Variants in CTNNA2 observed in about 807,000 individuals in gnomAD.
CTNNA2 encodes the protein catenin alpha 2, also known as catenin alpha-2.
CTNNA2 carries 42 observed loss-of-function variants against 101.0 expected under a neutral mutation model. The observed-to-expected ratio is 0.42, with a 90% confidence interval of 0.32 to 0.54. The LOEUF is 0.54. Ranked by LOEUF, CTNNA2 falls within the 20% of genes least tolerant of loss-of-function variation. The probability of loss-of-function intolerance (pLI) is 0.14; values close to 1 mark genes in which losing one functional copy is unlikely to be tolerated. For synonymous variants in CTNNA2, 450 were observed against 456.4 expected (o/e 0.99, Z 0.18); for missense variants, 871 against 1,223.1 (o/e 0.71, Z 4.29).
intron 7 of CTNNA2, among the ~76,000 whole-genome samples, chr2:80,351,955 G>A (rs892064146): frequency 2.6e-5 from 4 of 152,048 alleles, no homozygotes; most frequent in Admixed American, 2.6e-4. Flanking sequence ...GACAACTACT[G>A]ACCATTTCCA....
At chr2:79,718,220 C>A (rs1686236685) in intron 2 of CTNNA2, among the ~76,000 whole-genome samples, 1 of 152,116 alleles carries the variant, frequency 6.6e-6, no homozygotes, top group Admixed American at 6.5e-5. Flanking sequence ...ATGAAGTTAA[C>A]AAGTACGTTT....
intron 7 of CTNNA2, among the ~76,000 whole-genome samples, chr2:80,068,842 CT>C (rs1324076461): frequency 1.3e-4 from 20 of 152,094 alleles, no homozygotes; most frequent in Non-Finnish European, 4.4e-5. Flanking sequence ...ATACCCCTGA[CT>C]AGTGGCAGAT....
chr2:79,445,587 T>A (rs919128447), intron 4 of CTNNA2, among the ~76,000 whole-genome samples: 6 of 152,154 alleles, frequency 3.9e-5, no homozygotes, highest in Admixed American at 3.9e-4. Flanking sequence ...TTCAAACATA[T>A]CACACTTCAG....
intron 4 of CTNNA2, among the ~76,000 whole-genome samples, chr2:79,859,671 G>C (rs190972538): frequency 7.0e-4 from 106 of 151,862 alleles, no homozygotes; most frequent in Non-Finnish European, 1.2e-3. Context: ...CAGGGAATGG[G>C]TTCTGAAAGG....
intron 1 of CTNNA2, among the ~76,000 whole-genome samples, chr2:79,563,156 G>A (rs1195711431): frequency 1.5e-5 from 1 of 64,610 alleles, no homozygotes; most frequent in Non-Finnish European, 2.9e-5. Flanking sequence ...TAATAATAAA[G>A]ATGTGTATAT....
intron 7 of CTNNA2, among the ~76,000 whole-genome samples, chr2:80,104,122 C>T (rs924350166): frequency 6.6e-6 from 1 of 152,190 alleles, no homozygotes; most frequent in Non-Finnish European, 1.5e-5. Context: ...TTGCCAATCT[C>T]TCAGGCATGT....
chr2:79,271,578 C>T (rs1470152195), intron 2 of CTNNA2, among the ~76,000 whole-genome samples: 3 of 151,974 alleles, frequency 2.0e-5, no homozygotes, highest in Non-Finnish European at 2.9e-5. Flanking sequence ...TCTTTTTGAT[C>T]TCTGGCTGTC....
In CTNNA2 at chr2:79,835,666, G is replaced by GTTT. The variant is rs70940048; in HGVS notation, c.299-22312_299-22310dup. 1.5e-4 allele frequency among the ~76,000 whole-genome samples: 9 copies of GTTT among 58,630 alleles called. 1 individual carries two copies. Among genetic ancestry groups the GTTT allele is most frequent in the African/African-American group, 5.1e-4 (7 of 13,692 alleles). 38.5% of individuals were successfully genotyped at this position (58,630 alleles called of 152,430 possible). On this transcript the variant is annotated intron_variant, in intron 3 of 18. Coordinates refer to ENST00000402739, the MANE Select transcript of CTNNA2 (RefSeq NM_001282597.3). ...CTGTGCTGCAGAATGGCCTCTCTTT[G>GTTT]TTTTTTTTTTTTTTTTTTTTTTTTT... is the stretch of plus-strand genomic sequence containing the variant.
intron 7 of CTNNA2, among the ~76,000 whole-genome samples, chr2:79,956,667 A>ATTTTC (rs1196336462): frequency 6.6e-6 from 1 of 152,316 alleles, no homozygotes; most frequent in East Asian, 1.9e-4. Flanking sequence ...GTATCTTGAA[A>ATTTTC]GTCTCAAGTC....
At chr2:79,218,353 T>TGTGTGTA (rs1305328019) in intron 2 of CTNNA2, among the ~76,000 whole-genome samples, 59 of 30,188 alleles carry the variant, frequency 2.0e-3, no homozygotes, top group Middle Eastern at 0.017. Flanking sequence ...GTGTGTGTAT[T>TGTGTGTA]TTTTTTTTTT....
chr2:79,610,163 A>C (rs189929332), intron 1 of CTNNA2, among the ~76,000 whole-genome samples: 1 of 152,126 alleles, frequency 6.6e-6, no homozygotes, highest in Non-Finnish European at 1.5e-5. Context: ...AAGCACGTGA[A>C]AATAATTTCA....
chr2:79,530,299 C>T (rs548562756), intron 1 of CTNNA2, among the ~76,000 whole-genome samples: 1 of 152,102 alleles, frequency 6.6e-6, no homozygotes, highest in Non-Finnish European at 1.5e-5. Context: ...AAAAAAGCAG[C>T]ATTTCTTGTT....
intron 7 of CTNNA2, among the ~76,000 whole-genome samples, chr2:80,103,598 G>A (rs1700686849): frequency 6.6e-6 from 1 of 152,168 alleles, no homozygotes; most frequent in African/African-American, 2.4e-5. Context: ...CTAACCAGAT[G>A]AGCAGTCCTT....
At chr2:79,661,687 A>T (rs1682046386) in intron 2 of CTNNA2, among the ~76,000 whole-genome samples, 1 of 152,108 alleles carries the variant, frequency 6.6e-6, no homozygotes, top group Non-Finnish European at 1.5e-5. Context: ...TCTTAGGAGG[A>T]GCTCCTCTCA....
At chr2:79,997,516 C>T (rs1475666647) in intron 7 of CTNNA2, among the ~76,000 whole-genome samples, 1 of 152,158 alleles carries the variant, frequency 6.6e-6, no homozygotes, top group Non-Finnish European at 1.5e-5. Flanking sequence ...ACTCTTGAAG[C>T]TGACATGCCC....
intron 9 of CTNNA2, among the ~76,000 whole-genome samples, chr2:80,534,114 C>T (rs924777585): frequency 1.3e-5 from 2 of 152,112 alleles, no homozygotes; most frequent in African/African-American, 4.8e-5. Context: ...TGGGCAGAGG[C>T]ATGCAAACAG....
chr2:79,832,103 G>C (rs1678975167), intron 3 of CTNNA2, among the ~76,000 whole-genome samples: 1 of 152,062 alleles, frequency 6.6e-6, no homozygotes, highest in Admixed American at 6.6e-5. Context: ...CTCATTCCCT[G>C]TGTGAGATAC....
intron 1 of CTNNA2, among the ~76,000 whole-genome samples, chr2:79,620,956 T>C (rs553647705): frequency 5.5e-4 from 84 of 152,232 alleles, no homozygotes; most frequent in African/African-American, 2.0e-3. Flanking sequence ...GGATGACAAA[T>C]CACTGGTCTG....
chr2:79,815,720 T>C (rs1677436657), intron 3 of CTNNA2, among the ~76,000 whole-genome samples: 1 of 152,172 alleles, frequency 6.6e-6, no homozygotes, highest in Admixed American at 6.5e-5. Context: ...TTCTTTCAGC[T>C]TAGTCTTGCT....
Sources: gnomAD v4.1 joint callset for allele counts (sites outside exome capture counted in the v4.1 genomes callset) on GRCh38, gnomAD v4.1.1 for gene constraint, MANE v1.5 for transcripts, NCBI Gene and HGNC (gene_info 2026-07-23, HGNC 2026-07-21) for gene names.